The following TTC7B variants were observed in gnomAD, a reference collection of about 807,000 sequenced individuals.
TTC7B encodes tetratricopeptide repeat domain 7B.
TTC7B carries 28 observed loss-of-function variants against 106.8 expected under a neutral mutation model. The observed-to-expected ratio is 0.26, with a 90% CI of 0.19 to 0.36. The LOEUF (loss-of-function observed/expected upper bound fraction) is 0.36. Ranked by LOEUF, TTC7B falls within the 10% of genes least tolerant of loss-of-function variation. The pLI is 1.00. For synonymous variants in TTC7B, 405 were observed against 430.6 expected (o/e 0.94, Z 0.74); for missense variants, 862 against 1,076.4 (o/e 0.80, Z 2.79).
intron 13 of TTC7B, among the ~76,000 whole-genome samples, chr14:90,647,672 C>G (rs1281773901): frequency 6.6e-6 from 1 of 152,114 alleles, no homozygotes; most frequent in East Asian, 1.9e-4. Flanking sequence ...CCTTTGACGT[C>G]AGACAGGAAG....
At chr14:90,749,204 G>A (rs1164736627) in intron 3 of TTC7B, among the ~76,000 whole-genome samples, 1 of 152,000 alleles carries the variant, frequency 6.6e-6, no homozygotes, top group Non-Finnish European at 1.5e-5. Flanking sequence ...AGATTATGAA[G>A]TGCTTGGGCT....
Position 90,624,245 on chromosome 14 carries a change from T to C in TTC7B, c.1752-6200A>G, listed in dbSNP as rs1884342356. Among the ~76,000 whole-genome samples the C allele has an allele frequency of 6.6e-6, 1 of 152,236 alleles. No homozygotes were observed. Among genetic ancestry groups the C allele is most frequent in the Admixed American group, 6.5e-5 (1 of 15,288 alleles). ...AACAAATAGAAATACTATTTTACTG[T>C]ACTTCTGGAATATTTTAAGAATCTC... On this transcript the variant is annotated intron_variant, in intron 15 of 19. Coordinates refer to ENST00000328459, the MANE Select transcript of TTC7B (RefSeq NM_001010854.2). This position sits in a 1 kb window ranked among gnomAD's most constrained non-coding sequence, Gnocchi z 4.0.
chr14:90,731,458 A>T (rs1889325279), intron 4 of TTC7B, among the ~76,000 whole-genome samples: 1 of 152,224 alleles, frequency 6.6e-6, no homozygotes, highest in African/African-American at 2.4e-5. Context: ...AGTAATTATT[A>T]GTTCCCTAAC....
At chr14:90,724,872 G>C (rs895092593) in intron 5 of TTC7B, among the ~76,000 whole-genome samples, 8 of 152,174 alleles carry the variant, frequency 5.3e-5, no homozygotes, top group African/African-American at 1.9e-4. Flanking sequence ...ATGAATAAAT[G>C]GGCCTGGAAT....
chr14:90,545,688 A>AT (rs1287006337), intron 19 of TTC7B, among the ~76,000 whole-genome samples: 1 of 152,112 alleles, frequency 6.6e-6, no homozygotes, highest in Non-Finnish European at 1.5e-5. Context: ...TCCTGCTGGG[A>AT]TTTTTGTTTA....
At position 90,536,534 on chromosome 14, in the gene TTC7B, T is replaced by G. The variant is rs1029001738; in HGVS notation, c.*4834A>C. The G allele has an allele frequency of 6.6e-6, 1 of 152,624 alleles. No individual in the cohort carries two copies. Among genetic ancestry groups the G allele is most frequent in the African/African-American group, 2.4e-5 (1 of 41,442 alleles). 9.5% of individuals were successfully genotyped at this position (152,624 alleles called of 1,614,324 possible). A position where few individuals can be genotyped will look rare whatever the true frequency, so the allele number is the denominator to read the frequency against. On this transcript the variant is annotated 3_prime_UTR_variant, in exon 20 of 20. Coordinates refer to ENST00000328459, the MANE Select transcript of TTC7B (RefSeq NM_001010854.2). ...ACCTATTCTTCCTGTTTCCTGGCCATCATCGCCATCCTTCCAGTAGCTCAG... is the reference window on the plus strand; with the variant it reads ...ACCTATTCTTCCTGTTTCCTGGCCAGCATCGCCATCCTTCCAGTAGCTCAG...
intron 17 of TTC7B, among the ~76,000 whole-genome samples, chr14:90,606,493 T>C (rs998338): frequency 0.13 from 19,273 of 152,252 alleles, 1,434 homozygotes; most frequent in East Asian, 0.24. Context: ...TTACCCCACA[T>C]CCTGTTTTAA....
rs1889601284 is a variant in TTC7B at position 90,541,717 on chromosome 14, T to C, written c.2311-128A>G. ...ATATATCGCCATTGGGCTGGGCCCA[T>C]AGTAAGTTCTCCAGTATTTCCTGTG... On this transcript the variant is annotated intron_variant, in intron 19 of 19. Coordinates refer to ENST00000328459, the MANE Select transcript of TTC7B (RefSeq NM_001010854.2). The C allele has an allele frequency of 6.2e-6, 4 of 650,134 alleles. No individual in the cohort carries two copies. In the East Asian group the frequency reaches 8.8e-5, roughly 14 times the overall value. The allele number at this position is 650,134 out of a possible 1,614,324, so 40.3% of individuals were successfully genotyped here.
chr14:90,663,223 C>T lies in TTC7B; in HGVS notation c.1153-4836G>A, dbSNP rs1044360262. Among the ~76,000 whole-genome samples, 2 of 152,142 alleles carry T rather than the reference C, an allele frequency of 1.3e-5. No homozygotes were observed. The highest frequency in any genetic ancestry group is 6.5e-5 in the Admixed American group (1 of 15,274). Reference sequence around the variant, plus strand: ...GAGATGCAGAGTTGTTAAGGGGGTACGCGGGCCTCAGAGTTGGTGGTGGAG... The same window carrying T: ...GAGATGCAGAGTTGTTAAGGGGGTATGCGGGCCTCAGAGTTGGTGGTGGAG... On this transcript the variant is annotated intron_variant, in intron 9 of 19. Coordinates refer to ENST00000328459, the MANE Select transcript of TTC7B (RefSeq NM_001010854.2). This position sits in a 1 kb window ranked among gnomAD's most constrained non-coding sequence, Gnocchi z 4.5.
At position 90,658,376 on chromosome 14, in the gene TTC7B, T is replaced by C. The variant is rs1886040890; in HGVS notation, c.1164A>G (p.Arg388=). Residue 388 remains arginine, a synonymous_variant, in exon 10 of 20, where the codon AGA becomes AGG. Coordinates refer to ENST00000328459, the MANE Select transcript of TTC7B (RefSeq NM_001010854.2). ...QYEMLSECLE[R]AMKFAFEEFH... ...ATTCCTCAAAGGCAAACTTCATGGCTCTTTCTAGGCACTGGTTGGGAAAGA... is the reference window on the plus strand; with the variant it reads ...ATTCCTCAAAGGCAAACTTCATGGCCCTTTCTAGGCACTGGTTGGGAAAGA... 1 of 1,614,062 alleles carries C rather than the reference T, an allele frequency of 6.2e-7. No homozygotes were observed. Among genetic ancestry groups the C allele is most frequent in the Non-Finnish European group, 8.5e-7 (1 of 1,180,010 alleles).
chr14:90,764,378 A>T (rs774045545), intron 3 of TTC7B, among the ~76,000 whole-genome samples: 3 of 152,166 alleles, frequency 2.0e-5, no homozygotes, highest in Non-Finnish European at 4.4e-5. Flanking sequence ...TCACAAGAGT[A>T]AATCTTCATA....
Position 90,586,130 on chromosome 14 carries a change from A to T in TTC7B, c.2107+7356T>A, listed in dbSNP as rs139606698. On this transcript the variant is annotated intron_variant, in intron 18 of 19. Coordinates refer to ENST00000328459, the MANE Select transcript of TTC7B (RefSeq NM_001010854.2). ...TGTGGCGGGGCCAGGGTTGTAACTG[A>T]TGAGCCAGACCCAGGTTCTCGCCTT... 3.8e-3 allele frequency among the ~76,000 whole-genome samples: 582 copies of T among 152,268 alleles called. 7 individuals are homozygous for T. Among genetic ancestry groups the T allele is most frequent in the African/African-American group, 0.014 (564 of 41,558 alleles).
intron 3 of TTC7B, among the ~76,000 whole-genome samples, chr14:90,751,793 C>G (rs554454064): frequency 5.3e-5 from 8 of 152,116 alleles, no homozygotes; most frequent in Non-Finnish European, 1.2e-4. Context: ...TTTCAAACCC[C>G]TTCCATGTGC....
intron 7 of TTC7B, among the ~76,000 whole-genome samples, chr14:90,683,349 C>T (rs948971300): frequency 1.3e-5 from 2 of 152,116 alleles, no homozygotes; most frequent in East Asian, 1.9e-4. Context: ...TGGAGAAACA[C>T]AGCCTCTGAA....
chr14:90,781,025 G>A lies in TTC7B; in HGVS notation c.277-119C>T, dbSNP rs1201850692. On this transcript the variant is annotated intron_variant, in intron 2 of 19. Coordinates refer to ENST00000328459, the MANE Select transcript of TTC7B (RefSeq NM_001010854.2). ...CAGCTCCCCGCACAAGAGCTTGGAC[G>A]TGAATGTTCTGAGCAGTGTTATCCA... 2.1e-5 allele frequency: 18 copies of A among 872,172 alleles called. No individual in the cohort carries two copies. In the Admixed American group the frequency reaches 2.6e-4, roughly 13 times the overall value. The allele number at this position is 872,172 out of a possible 1,614,324, so 54.0% of individuals were successfully genotyped here.
intron 4 of TTC7B, 102 bp from the exon 5 acceptor site, chr14:90,730,298 C>T (rs1889276861): frequency 1.4e-6 from 2 of 1,395,364 alleles, no homozygotes; most frequent in Non-Finnish European, 1.9e-6. Context: ...AAACCAACTT[C>T]CTCAGGCAAA....
At chr14:90,593,359 G>A (rs369818627) in intron 18 of TTC7B, 127 bp downstream of exon 18, 42 of 1,330,654 alleles carry the variant, frequency 3.2e-5, no homozygotes, top group Admixed American at 1.9e-4. Flanking sequence ...GTGAAGCTTT[G>A]ATCTCTCCTA....
rs747180795 is a variant in TTC7B, at chr14:90,593,469, G to A, written c.2107+17C>T. The A allele has an allele frequency of 7.0e-6, 11 of 1,564,408 alleles. No homozygotes were observed. The highest frequency in any genetic ancestry group is 9.5e-6 in the Non-Finnish European group (11 of 1,151,878). Reference sequence around the variant, plus strand: ...GGCTCTGGCACAGCAGCGGGTTGTGGGTGAGGCGGAGGGTACCTGCATGGA... The same window carrying A: ...GGCTCTGGCACAGCAGCGGGTTGTGAGTGAGGCGGAGGGTACCTGCATGGA... On this transcript the variant is annotated intron_variant, in intron 18 of 19. Transcript: ENST00000328459.
At chr14:90,712,611 A>G (rs1307037218) in intron 5 of TTC7B, among the ~76,000 whole-genome samples, 1 of 152,218 alleles carries the variant, frequency 6.6e-6, no homozygotes, top group African/African-American at 2.4e-5. Flanking sequence ...TTTTTGAGAG[A>G]AATCAAAGAA....
Sources: allele counts gnomAD v4.1 joint callset (sites outside exome capture counted in the v4.1 genomes callset), GRCh38; gene constraint gnomAD v4.1.1; non-coding constraint Gnocchi (gnomAD v3.1); transcripts MANE v1.5; gene names NCBI Gene and HGNC (gene_info 2026-07-23, HGNC 2026-07-21).